The following DLL3 variants were observed in gnomAD, a reference collection of about 807,000 sequenced individuals.
DLL3 encodes delta like canonical Notch ligand 3.
DLL3 carries 49 observed loss-of-function variants against 55.0 expected under a neutral mutation model. That is an observed-to-expected ratio of 0.89 (90% CI 0.71 to 1.13). The LOEUF (loss-of-function observed/expected upper bound fraction) is 1.13. DLL3 is among the 50% of genes most tolerant of loss of function. The pLI, the probability that DLL3 is intolerant of heterozygous loss-of-function variation, is 0.00. For missense variants in DLL3, 962 were observed against 875.5 expected, an observed-to-expected ratio of 1.10 and a Z score of -1.25; for synonymous variants, 421 against 385.2, an observed-to-expected ratio of 1.09 and a Z score of -1.09.
At position 39,507,146 on chromosome 19, in the gene DLL3, G is replaced by A. The variant is rs759968231; in HGVS notation, c.1201G>A (p.Ala401Thr). 17 of 1,498,676 alleles carry A rather than the reference G, an allele frequency of 1.1e-5. No individual in the cohort carries two copies. Among genetic ancestry groups the A allele is most frequent in the Non-Finnish European group, 1.5e-5 (17 of 1,132,636 alleles). 92.8% of individuals were successfully genotyped at this position (1,498,676 alleles called of 1,614,324 possible). ...DLDDCAGRAC[A>T]NGGTCVEGGG... is the part of the protein sequence containing the mutation. ...GGACGACTGCGCGGGCCGCGCCTGC[G>A]CTAACGGCGGCACGTGTGTGGAGGG... The change falls in exon 7 of 9, where the codon GCT becomes ACT. Residue 401 changes from alanine (A) to threonine (T), a missense_variant. Transcript: ENST00000356433.
In DLL3 at chr19:39,502,868, G is replaced by C; in HGVS notation, c.463G>C (p.Gly155Arg). ...RVAGRRRLAA[G>R]GPWARDIQRA... ...GGCTGGCAGGCGGCGCTTGGCAGCCGGAGGCCCGTGGGCCCGGGACATTCA... is the reference window on the plus strand; with the variant it reads ...GGCTGGCAGGCGGCGCTTGGCAGCCCGAGGCCCGTGGGCCCGGGACATTCA... Residue 155 changes from glycine to arginine, a missense_variant, in exon 4 of 9, where the codon GGA becomes CGA. By Grantham distance (125) the Gly-to-Arg change is moderately radical (BLOSUM62 -2). Coordinates refer to ENST00000356433, the MANE Select transcript of DLL3 (RefSeq NM_203486.3). The C allele has an allele frequency of 7.1e-7, 1 of 1,416,868 alleles. No homozygotes were observed. Among genetic ancestry groups the C allele is most frequent in the African/African-American group, 1.5e-5 (1 of 66,790 alleles). 87.8% of individuals were successfully genotyped at this position (1,416,868 alleles called of 1,614,324 possible). A position where few individuals can be genotyped will look rare whatever the true frequency, so the allele number is the denominator to read the frequency against.
At chr19:39,499,588 A>G in intron 2 of DLL3, 115 bp downstream of exon 2, 3 of 1,379,456 alleles carry the variant, frequency 2.2e-6, no homozygotes, top group Non-Finnish European at 2.0e-6. Context: ...CAGGGGGTGG[A>G]CGAAATTCCC....
chr19:39,503,696 A>G (rs1330258462), intron 4 of DLL3, among the ~76,000 whole-genome samples: 1 of 152,030 alleles, frequency 6.6e-6, no homozygotes, highest in Non-Finnish European at 1.5e-5. Context: ...ATACACTCCC[A>G]TCTTCCCTGA....
rs777164429 is a variant in DLL3 at position 39,507,292 on chromosome 19, C to T, written c.1347C>T (p.Ser449=). The T allele has an allele frequency of 1.3e-6, 2 of 1,547,898 alleles. No individual in the cohort carries two copies. The highest frequency in any genetic ancestry group is 1.7e-6 in the Non-Finnish European group (2 of 1,154,258). Residue 449 remains serine, a synonymous_variant, in exon 7 of 9, where the codon TCC becomes TCT. Coordinates refer to ENST00000356433, the MANE Select transcript of DLL3 (RefSeq NM_203486.3). The stretch of plus-strand genomic sequence containing the variant: ...GCGGCCGCTGCTACGCCCACTTCTC[C>T]GGCCTCGTCTGCGCTTGCGCTCCCG... The part of the protein sequence containing the change: ...AHGGRCYAHF[S]GLVCACAPGY...
At chr19:39,508,012 G>T (rs762517319) in intron 8 of DLL3, 98 bp downstream of exon 8, 8 of 1,612,346 alleles carry the variant, frequency 5.0e-6, no homozygotes, top group Middle Eastern at 3.3e-4. Flanking sequence ...TCCGTGAAAT[G>T]AATTGGGTAG....
intron 3 of DLL3, among the ~76,000 whole-genome samples, chr19:39,501,482 T>A (rs1380522954): frequency 6.6e-6 from 1 of 151,714 alleles, no homozygotes; most frequent in African/African-American, 2.4e-5. Context: ...GTCACCATTT[T>A]TTTTCTTGTT....
rs1433881864 is a variant in DLL3 at position 39,505,431 on chromosome 19, G to A, written c.1073G>A (p.Ser358Asn). The A allele has an allele frequency of 1.2e-6, 2 of 1,614,102 alleles. No individual in the cohort carries two copies. The highest frequency in any genetic ancestry group is 4.5e-5 in the East Asian group (2 of 44,880). Residue 358 changes from serine to asparagine, a missense_variant, in exon 6 of 9, where the codon AGC (serine) becomes AAC (asparagine). By Grantham distance (46) the Ser-to-Asn change is conservative (BLOSUM62 1). Transcript: ENST00000356433. ...SNCEKRVDRCSLQPCRNGGLC... is the reference protein window; with the variant it reads ...SNCEKRVDRCNLQPCRNGGLC... ...TGTGAGAAGAGGGTGGACCGGTGCAGCCTGCAGCCATGCCGCAATGGTGAG... is the reference window on the plus strand; with the variant it reads ...TGTGAGAAGAGGGTGGACCGGTGCAACCTGCAGCCATGCCGCAATGGTGAG...
intron 5 of DLL3, 24 bp downstream of exon 5, chr19:39,504,312 G>C: frequency 1.2e-6 from 2 of 1,609,036 alleles, no homozygotes; most frequent in Non-Finnish European, 1.7e-6. Context: ...TTCCCACCTT[G>C]TCCTGCTTAG....
chr19:39,507,314 CCCGGCTACATG>C lies in DLL3; in HGVS notation c.1370_1380del (p.Pro457ArgfsTer5), dbSNP rs2079648372. 6.4e-7 allele frequency: 1 copy of C among 1,561,750 alleles called. No homozygotes were observed. Among genetic ancestry groups the C allele is most frequent in the Non-Finnish European group, 8.6e-7 (1 of 1,161,740 alleles). ...CTCCGGCCTCGTCTGCGCTTGCGCT[CCCGGCTACATG>C]GGAGCGCGGTGTGAGTTCCCAGTGC... is the stretch of plus-strand genomic sequence containing the variant. On this transcript the variant is annotated frameshift_variant, in exon 7 of 9. Coordinates refer to ENST00000356433, the MANE Select transcript of DLL3 (RefSeq NM_203486.3). LOFTEE classifies it high-confidence loss of function.
chr19:39,501,985 A>G (rs1403998928), intron 3 of DLL3, among the ~76,000 whole-genome samples: 2 of 152,002 alleles, frequency 1.3e-5, no homozygotes, highest in East Asian at 2.0e-4. Flanking sequence ...GGAGATTGAG[A>G]CCATCCTGGC....
intron 2 of DLL3, 61 bp from the exon 3 acceptor site, chr19:39,500,554 T>G: frequency 5.4e-6 from 8 of 1,486,770 alleles, no homozygotes; most frequent in South Asian, 1.1e-5. Flanking sequence ...TGGCCTTCAT[T>G]GAGTACTTAC....
chr19:39,499,379 G>A lies in DLL3; in HGVS notation c.257G>A (p.Arg86His), dbSNP rs1329801736. ...PCALGAALSARGPVYTEQPGA... is the reference protein window; with the variant it reads ...PCALGAALSAHGPVYTEQPGA... ...GCCCTGGGCGCGGCGCTGAGTGCGC[G>A]CGGACCGGTCTACACCGAGCAGCCC... is the stretch of plus-strand genomic sequence containing the variant. The change falls in exon 2 of 9, where the codon CGC (arginine) becomes CAC (histidine). Residue 86 changes from arginine (R) to histidine (H), a missense_variant. Transcript: ENST00000356433. 1.9e-6 allele frequency: 3 copies of A among 1,567,574 alleles called. No homozygotes were observed.
chr19:39,500,719 G>A, intron 3 of DLL3, 47 bp downstream of exon 3: 1 of 1,542,538 alleles, frequency 6.5e-7, no homozygotes, highest in East Asian at 2.2e-5. Context: ...GGGCCCACGT[G>A]AGACACGGGG....
chr19:39,507,240 C>G lies in DLL3; in HGVS notation c.1295C>G (p.Pro432Arg). The change falls in exon 7 of 9, where the codon CCG (proline) becomes CGG (arginine). Residue 432 changes from proline (P) to arginine (R), a missense_variant. Coordinates refer to ENST00000356433, the MANE Select transcript of DLL3 (RefSeq NM_203486.3). The stretch of plus-strand genomic sequence containing the variant: ...CGCGACTGCCGCGAGCGCGCGGACC[C>G]GTGCGCCGCGCGCCCCTGTGCTCAC... Reference protein sequence around the residue: ...GGRDCRERADPCAARPCAHGG... With the variant: ...GGRDCRERADRCAARPCAHGG... 1.3e-6 allele frequency: 2 copies of G among 1,498,850 alleles called. No homozygotes were observed. The highest frequency in any genetic ancestry group is 1.2e-5 in the South Asian group (1 of 80,520). The allele number at this position is 1,498,850 out of a possible 1,614,324, so 92.8% of individuals were successfully genotyped here.
Position 39,507,547 on chromosome 19 carries a change from G to T in DLL3, c.1602G>T (p.Glu534Asp). The T allele has an allele frequency of 6.2e-7, 1 of 1,606,868 alleles. No individual in the cohort carries two copies. Among genetic ancestry groups the T allele is most frequent in the South Asian group, 1.1e-5 (1 of 89,912 alleles). ...CTCGCTTGCTGGCTGGGACCCCGGA[G>T]CCGTCAGTCCACGCACTCCCGGATG... ...AGSRLLAGTP[E>D]PSVHALPDAL... The change falls in exon 7 of 9, where the codon GAG becomes GAT. Residue 534 changes from glutamate (E) to aspartate (D), a missense_variant. Glu to Asp is a conservative substitution (Grantham distance 45). Coordinates refer to ENST00000356433, the MANE Select transcript of DLL3 (RefSeq NM_203486.3).
chr19:39,500,431 C>G (rs982793245), intron 2 of DLL3, among the ~76,000 whole-genome samples, 184 bp from the exon 3 acceptor site: 18 of 143,852 alleles, frequency 1.3e-4, no homozygotes, highest in East Asian at 8.2e-4. Context: ...CCCCCCCCCC[C>G]CAAAAAAAAG....
At position 39,507,426 on chromosome 19, in the gene DLL3, C is replaced by T; in HGVS notation, c.1481C>T (p.Pro494Leu). ...RPGDPQRYLL[P>L]PALGLLVAAG... ...GGGGACCCTCAGCGCTACCTTTTGC[C>T]TCCGGCTCTGGGACTGCTCGTGGCC... The change falls in exon 7 of 9, where the codon CCT becomes CTT. Residue 494 changes from proline to leucine, a missense_variant. Pro to Leu is a moderately conservative substitution (Grantham distance 98). Coordinates refer to ENST00000356433, the MANE Select transcript of DLL3 (RefSeq NM_203486.3). The T allele has an allele frequency of 3.1e-6, 5 of 1,593,146 alleles. No individual in the cohort carries two copies. Among genetic ancestry groups the T allele is most frequent in the Admixed American group, 1.8e-5 (1 of 57,082 alleles).
chr19:39,505,161 G>C, intron 5 of DLL3, 68 bp from the exon 6 acceptor site: 1 of 1,520,628 alleles, frequency 6.6e-7, no homozygotes, highest in Non-Finnish European at 9.1e-7. Context: ...CAGTGGTTAG[G>C]ACTGAGGAGG....
chr19:39,504,203 G>C lies in DLL3; in HGVS notation c.785G>C (p.Gly262Ala). 2 of 1,612,538 alleles carry C rather than the reference G, an allele frequency of 1.2e-6. No homozygotes were observed. Among genetic ancestry groups the C allele is most frequent in the Non-Finnish European group, 1.7e-6 (2 of 1,180,012 alleles). Residue 262 changes from glycine to alanine, a missense_variant, in exon 5 of 9, where the codon GGC becomes GCC. Gly to Ala is a moderately conservative substitution (Grantham distance 60). Coordinates refer to ENST00000356433, the MANE Select transcript of DLL3 (RefSeq NM_203486.3). ...VSTSSCLSPR[G>A]PSSATTGCLV... ...ACCAGCAGCTGCCTCAGCCCCAGGGGCCCGTCCTCTGCTACCACCGGATGC... is the reference window on the plus strand; with the variant it reads ...ACCAGCAGCTGCCTCAGCCCCAGGGCCCCGTCCTCTGCTACCACCGGATGC...
Sources: allele counts gnomAD v4.1 joint callset (sites outside exome capture counted in the v4.1 genomes callset), GRCh38; gene constraint gnomAD v4.1.1; transcripts MANE v1.5; gene names NCBI Gene and HGNC (gene_info 2026-07-23, HGNC 2026-07-21).